The following ERGIC1 variants were observed in gnomAD, a reference collection of about 807,000 sequenced individuals.
ERGIC1 encodes the protein endoplasmic reticulum-Golgi intermediate compartment protein 1.
Under a neutral mutation model 38.3 loss-of-function variants are expected in ERGIC1, and 19 were observed. That is an observed-to-expected ratio of 0.50 (90% confidence interval 0.35 to 0.73). The LOEUF is 0.73. ERGIC1 is among the 30% of genes least tolerant of loss of function. ERGIC1 has a pLI of 0.01. For missense variants in ERGIC1, 294 were observed against 389.2 expected (o/e 0.76, Z 2.06); for synonymous variants, 124 against 157.6 (o/e 0.79, Z 1.60).
chr5:172,836,048 G>C (rs150357271), intron 1 of ERGIC1, among the ~76,000 whole-genome samples: 1 of 152,318 alleles, frequency 6.6e-6, no homozygotes, highest in Non-Finnish European at 1.5e-5. Context: ...GTGATTTTGA[G>C]CTTGCTGGGG....
chr5:172,853,765 T>C (rs1430658720), intron 1 of ERGIC1, among the ~76,000 whole-genome samples: 4 of 152,220 alleles, frequency 2.6e-5, no homozygotes, highest in Non-Finnish European at 4.4e-5. Context: ...GTTTGCTCAG[T>C]TGGGGCAATT....
intron 1 of ERGIC1, among the ~76,000 whole-genome samples, chr5:172,885,023 C>G (rs957003649): frequency 4.6e-5 from 7 of 152,230 alleles, no homozygotes; most frequent in Non-Finnish European, 7.3e-5. Flanking sequence ...CTCACCCTGA[C>G]TGAACTTAGA....
chr5:172,917,292 G>A (rs1351066942), intron 5 of ERGIC1: 5 of 152,468 alleles, frequency 3.3e-5, no homozygotes, highest in Non-Finnish European at 7.3e-5. Flanking sequence ...TGTCTACAGG[G>A]AGAGGTGAAA....
chr5:172,868,546 C>T (rs951546181), intron 1 of ERGIC1, among the ~76,000 whole-genome samples: 17 of 152,052 alleles, frequency 1.1e-4, no homozygotes, highest in African/African-American at 2.9e-4. Flanking sequence ...CCAGGGGTTG[C>T]GGGAGGGAGG....
At chr5:172,903,444 T>G (rs1340473150) in intron 3 of ERGIC1, among the ~76,000 whole-genome samples, 1 of 152,144 alleles carries the variant, frequency 6.6e-6, no homozygotes, top group African/African-American at 2.4e-5. Context: ...GGCAGTGCAA[T>G]GCCTTGGAAA....
At position 172,834,367 on chromosome 5, in the gene ERGIC1, C is replaced by T. The variant is rs915702798; in HGVS notation, c.-47C>T. On this transcript the variant is annotated 5_prime_UTR_variant, in exon 1 of 10. Coordinates refer to ENST00000393784, the MANE Select transcript of ERGIC1 (RefSeq NM_001031711.3). The surrounding 1 kb of genome is among the most constrained non-coding windows in gnomAD (Gnocchi z 4.1). ...GCAGCGGGCTCGGACCCACGCGGCG[C>T]CGCGGCCCGCCTGGCCTGCAGCGCT... 13 of 1,267,400 alleles carry T rather than the reference C, an allele frequency of 1.0e-5. No individual in the cohort carries two copies. The African/African-American group carries it at 1.7e-4, about 17-fold the overall frequency. The allele number at this position is 1,267,400 out of a possible 1,614,324, so 78.5% of individuals were successfully genotyped here.
At chr5:172,842,973 A>G (rs913158490) in intron 1 of ERGIC1, among the ~76,000 whole-genome samples, 11 of 152,104 alleles carry the variant, frequency 7.2e-5, no homozygotes, top group African/African-American at 2.4e-4. Context: ...GAGAAACCCC[A>G]TCTCTACTAA....
intron 1 of ERGIC1, among the ~76,000 whole-genome samples, chr5:172,865,319 G>A (rs1438603551): frequency 6.6e-6 from 1 of 152,162 alleles, no homozygotes; most frequent in Non-Finnish European, 1.5e-5. Context: ...GCCTCCCAAA[G>A]TGCTGGGATT....
chr5:172,875,650 A>G (rs1762125929), intron 1 of ERGIC1, among the ~76,000 whole-genome samples: 1 of 152,172 alleles, frequency 6.6e-6, no homozygotes. Flanking sequence ...GCTGGAGTGC[A>G]GTGGTGCAGT....
intron 6 of ERGIC1, 84 bp downstream of exon 6, chr5:172,924,193 C>A: frequency 7.7e-7 from 1 of 1,300,652 alleles, no homozygotes; most frequent in Non-Finnish European, 1.1e-6. Flanking sequence ...CCTCTCTGGG[C>A]ACTAGGAAGA....
At chr5:172,913,644 T>A (rs528001486) in intron 4 of ERGIC1, among the ~76,000 whole-genome samples, 2 of 152,322 alleles carry the variant, frequency 1.3e-5, no homozygotes, top group South Asian at 4.1e-4. Flanking sequence ...TTTCTAGCGC[T>A]CCTGCCAGGG....
chr5:172,947,876 TTGTG>T (rs10566172), intron 9 of ERGIC1, among the ~76,000 whole-genome samples: 6,288 of 145,662 alleles, frequency 0.043, 164 homozygotes, highest in African/African-American at 0.074. Context: ...CAGATGTGTT[TTGTG>T]TGTGTGTGTG....
chr5:172,943,749 C>T (rs968627953), intron 9 of ERGIC1, among the ~76,000 whole-genome samples: 4 of 152,180 alleles, frequency 2.6e-5, no homozygotes, highest in Non-Finnish European at 5.9e-5. Context: ...TCGCCTCCCA[C>T]GGCGGTGTGT....
intron 3 of ERGIC1, among the ~76,000 whole-genome samples, chr5:172,899,311 CTTTTTTTTTTT>C (rs34478179): frequency 1.1e-4 from 9 of 82,844 alleles, no homozygotes; most frequent in African/African-American, 4.6e-4. Flanking sequence ...GGAGTTACTT[CTTTTTTTTTTT>C]TTTTTTTTTT....
At chr5:172,858,971 G>A (rs563484541) in intron 1 of ERGIC1, among the ~76,000 whole-genome samples, 16 of 152,338 alleles carry the variant, frequency 1.1e-4, no homozygotes, top group African/African-American at 3.8e-4. Flanking sequence ...GGCTGGGGGA[G>A]CTGTGCTGAG....
intron 9 of ERGIC1, among the ~76,000 whole-genome samples, chr5:172,944,825 A>C (rs890784384): frequency 6.6e-6 from 1 of 152,168 alleles, no homozygotes; most frequent in African/African-American, 2.4e-5. Context: ...AACTTAGTGG[A>C]GAGGGGCACC....
intron 3 of ERGIC1, among the ~76,000 whole-genome samples, chr5:172,901,915 A>G (rs769036240): frequency 1.9e-4 from 29 of 152,272 alleles, no homozygotes; most frequent in Non-Finnish European, 2.9e-4. Context: ...GCACTTCATG[A>G]TGGTCATCTC....
intron 2 of ERGIC1, among the ~76,000 whole-genome samples, chr5:172,893,897 A>ATGTG (rs1323941581): frequency 1.4e-3 from 15 of 10,768 alleles, no homozygotes; most frequent in African/African-American, 2.0e-3. Context: ...ATATATATAT[A>ATGTG]TATATATATG....
At chr5:172,922,983 G>A (rs1449317340) in intron 5 of ERGIC1, among the ~76,000 whole-genome samples, 1 of 152,168 alleles carries the variant, frequency 6.6e-6, no homozygotes, top group Non-Finnish European at 1.5e-5. Flanking sequence ...TTGGAAGGTG[G>A]AGCTAACAGG....
Sources: allele counts gnomAD v4.1 joint callset (sites outside exome capture counted in the v4.1 genomes callset), GRCh38; gene constraint gnomAD v4.1.1; non-coding constraint Gnocchi (gnomAD v3.1); transcripts MANE v1.5; gene names NCBI Gene and HGNC (gene_info 2026-07-23, HGNC 2026-07-21).